FLT1: variants seen among roughly 807,000 people sequenced by gnomAD.
FLT1 encodes the protein vascular endothelial growth factor receptor 1.
In FLT1, 49 loss-of-function variants were observed where a neutral mutation model predicts 156.3. That is an observed-to-expected ratio of 0.31 (90% confidence interval 0.25 to 0.40). The LOEUF (loss-of-function observed/expected upper bound fraction) is 0.40. FLT1 is among the 10% of genes least tolerant of loss of function. FLT1 has a pLI of 1.00. For synonymous variants in FLT1, 594 were observed against 583.8 expected (o/e 1.02, Z -0.25); for missense variants, 1,322 against 1,637.2 (o/e 0.81, Z 3.32).
chr13:28,377,135 A>T (rs911796250), intron 14 of FLT1, among the ~76,000 whole-genome samples: 14 of 151,972 alleles, frequency 9.2e-5, no homozygotes, highest in African/African-American at 3.4e-4. Flanking sequence ...CAGCTTGTCT[A>T]CTCTCTTTTC....
intron 3 of FLT1, among the ~76,000 whole-genome samples, chr13:28,451,004 G>C (rs1299131049): frequency 1.3e-5 from 2 of 152,190 alleles, no homozygotes; most frequent in Non-Finnish European, 2.9e-5. Flanking sequence ...ACGGGGACTA[G>C]AAATGGGAAG....
intron 15 of FLT1, among the ~76,000 whole-genome samples, chr13:28,347,453 G>A (rs1050211036): frequency 2.0e-5 from 3 of 152,146 alleles, no homozygotes; most frequent in South Asian, 4.1e-4. Context: ...CCCAGGAGGC[G>A]GAGGTTGCAG....
At chr13:28,383,931 A>G (rs1425135782) in intron 14 of FLT1, among the ~76,000 whole-genome samples, 1 of 152,218 alleles carries the variant, frequency 6.6e-6, no homozygotes, top group African/African-American at 2.4e-5. Flanking sequence ...ACCATTTTAT[A>G]TAAGGAACTT....
intron 15 of FLT1, among the ~76,000 whole-genome samples, chr13:28,355,341 C>T (rs142108617): frequency 2.4e-3 from 363 of 152,284 alleles, no homozygotes; most frequent in African/African-American, 8.4e-3. Context: ...CAGCACAGCG[C>T]CTGCACATAA....
At chr13:28,312,152 A>G (rs1174935150) in intron 25 of FLT1, 54 bp from the exon 26 acceptor site, 3 of 1,097,850 alleles carry the variant, frequency 2.7e-6, no homozygotes, top group Non-Finnish European at 4.2e-6. Flanking sequence ...CATCCTATGC[A>G]TTGCCTTACG....
chr13:28,311,106 C>T (rs1350518722), intron 27 of FLT1, among the ~76,000 whole-genome samples: 1 of 152,014 alleles, frequency 6.6e-6, no homozygotes, highest in Non-Finnish European at 1.5e-5. Flanking sequence ...TACAGGTGCC[C>T]ACCACCACAC....
chr13:28,433,713 C>T (rs1277856093), intron 6 of FLT1, 106 bp downstream of exon 6: 1 of 1,062,916 alleles, frequency 9.4e-7, no homozygotes, highest in South Asian at 1.3e-5. Flanking sequence ...ACTAACACTG[C>T]CACAGGAGTC....
chr13:28,451,278 C>T (rs1398794431), intron 3 of FLT1, among the ~76,000 whole-genome samples: 2 of 152,194 alleles, frequency 1.3e-5, no homozygotes, highest in Non-Finnish European at 2.9e-5. Context: ...AAAAAATTAG[C>T]TAGACGTGGC....
intron 18 of FLT1, among the ~76,000 whole-genome samples, chr13:28,330,700 A>G (rs1209184586): frequency 6.7e-6 from 1 of 149,230 alleles, no homozygotes; most frequent in Non-Finnish European, 1.5e-5. Context: ...TCTTCTTTTT[A>G]TTTCTTTTTA....
chr13:28,434,027 C>T (rs760161677), intron 5 of FLT1, 31 bp downstream of exon 5: 4 of 1,614,062 alleles, frequency 2.5e-6, no homozygotes, highest in Non-Finnish European at 3.4e-6. Context: ...AGCACTTCGG[C>T]TTATGTTCAT....
At chr13:28,399,431 CA>C (rs1030205693) in intron 11 of FLT1, among the ~76,000 whole-genome samples, 6 of 152,074 alleles carry the variant, frequency 3.9e-5, no homozygotes, top group African/African-American at 1.4e-4. Context: ...ATCTATGAGT[CA>C]TGTTTGGGTT....
intron 13 of FLT1, chr13:28,387,342 A>T (rs1213693031): frequency 9.5e-7 from 1 of 1,047,974 alleles, no homozygotes; most frequent in African/African-American, 1.7e-5. Flanking sequence ...TATTTTGTCA[A>T]TTCTTACTTT....
chr13:28,305,737 C>T (rs1388969018), intron 29 of FLT1, among the ~76,000 whole-genome samples: 3 of 152,240 alleles, frequency 2.0e-5, no homozygotes, highest in African/African-American at 7.2e-5. Context: ...TGCAGCCCAA[C>T]ACAAACTCGT....
intron 16 of FLT1, among the ~76,000 whole-genome samples, chr13:28,344,823 T>TTTTGG (rs1183174343): frequency 7.3e-6 from 1 of 136,178 alleles, no homozygotes; most frequent in Non-Finnish European, 1.5e-5. Context: ...TTTTTTTTTT[T>TTTTGG]GAGACAGGGT....
intron 12 of FLT1, among the ~76,000 whole-genome samples, chr13:28,394,355 T>C (rs1244923598): frequency 1.3e-5 from 2 of 152,146 alleles, no homozygotes; most frequent in Non-Finnish European, 2.9e-5. Context: ...GAATTCTCAT[T>C]TTGTATGGAT....
intron 3 of FLT1, among the ~76,000 whole-genome samples, chr13:28,438,632 A>G (rs1352211341): frequency 6.6e-6 from 1 of 152,214 alleles, no homozygotes; most frequent in Non-Finnish European, 1.5e-5. Context: ...TGTGGGAAAA[A>G]GCCTAAAAGT....
intron 1 of FLT1, among the ~76,000 whole-genome samples, chr13:28,493,275 T>C (rs550709467): frequency 1.3e-5 from 2 of 152,356 alleles, no homozygotes; most frequent in Admixed American, 1.3e-4. Context: ...ACAAGTGACT[T>C]TTCAAAACAA....
intron 3 of FLT1, among the ~76,000 whole-genome samples, chr13:28,438,779 A>C (rs1878181300): frequency 6.6e-6 from 1 of 152,364 alleles, no homozygotes; most frequent in Middle Eastern, 3.4e-3. Flanking sequence ...CTCTCTTTGG[A>C]GAATTCAAGG....
At chr13:28,425,413 A>G (rs1344689921) in intron 10 of FLT1, among the ~76,000 whole-genome samples, 1 of 152,214 alleles carries the variant, frequency 6.6e-6, no homozygotes, top group Non-Finnish European at 1.5e-5. Flanking sequence ...AACTTATTCC[A>G]TCACACAGAA....
Sources: allele counts gnomAD v4.1 joint callset (sites outside exome capture counted in the v4.1 genomes callset), GRCh38; gene constraint gnomAD v4.1.1; transcripts MANE v1.5; gene names NCBI Gene and HGNC (gene_info 2026-07-23, HGNC 2026-07-21).